The following SHTN1 variants were observed in gnomAD, a reference collection of about 807,000 sequenced individuals.
SHTN1 encodes the protein shootin-1.
A neutral mutation model predicts 83.1 loss-of-function variants in SHTN1; 42 were observed. That is an observed-to-expected ratio of 0.51 (90% CI 0.39 to 0.65). The LOEUF is 0.65. SHTN1 is among the 30% of genes least tolerant of loss of function. The pLI, the probability that SHTN1 is intolerant of heterozygous loss-of-function variation, is 0.00. For missense variants in SHTN1, 622 were observed against 737.8 expected (o/e 0.84, Z 1.82); for synonymous variants, 224 against 247.7 (o/e 0.90, Z 0.90).
At chr10:116,936,655 G>T (rs1377275141) in intron 9 of SHTN1, among the ~76,000 whole-genome samples, 1 of 152,166 alleles carries the variant, frequency 6.6e-6, no homozygotes, top group Admixed American at 6.5e-5. Context: ...GATTTGGGAT[G>T]GAGAGGTCTG....
chr10:117,123,461 TAGTG>T (rs765035528), intron 1 of SHTN1, among the ~76,000 whole-genome samples: 1 of 152,116 alleles, frequency 6.6e-6, no homozygotes, highest in African/African-American at 2.4e-5. Flanking sequence ...AAAGAAAAGG[TAGTG>T]AGTAATTAAC....
In SHTN1 at chr10:116,901,903, G is replaced by A. The variant is rs1276054964; in HGVS notation, c.1535C>T (p.Ser512Phe). ...SESKSMPVLGSVSSVTKTALN... is the reference protein window; with the variant it reads ...SESKSMPVLGFVSSVTKTALN... ...GGCTGTTTTTGTTACACTGGATACA[G>A]AACCCAACACTGGCATGGATTTGGA... Residue 512 changes from serine to phenylalanine, a missense_variant, in exon 16 of 17, where the codon TCT (serine) becomes TTT (phenylalanine). This residue lies in a region of SHTN1 where 231 missense variants were observed against 251.6 expected (regional missense o/e 0.92). Coordinates refer to ENST00000355371, the MANE Select transcript of SHTN1 (RefSeq NM_001127211.3). The A allele has an allele frequency of 1.9e-6, 3 of 1,607,458 alleles. No individual in the cohort carries two copies. Among genetic ancestry groups the A allele is most frequent in the Non-Finnish European group, 8.5e-7 (1 of 1,177,808 alleles).
chr10:117,091,625 A>T (rs1456979847), intron 1 of SHTN1, among the ~76,000 whole-genome samples: 1 of 152,214 alleles, frequency 6.6e-6, no homozygotes, highest in Non-Finnish European at 1.5e-5. Context: ...AGGTAAGCAC[A>T]ATCCAAAGGC....
At chr10:116,921,216 C>A (rs973099881) in intron 12 of SHTN1, among the ~76,000 whole-genome samples, 1 of 152,072 alleles carries the variant, frequency 6.6e-6, no homozygotes, top group Non-Finnish European at 1.5e-5. Context: ...AATATATTTG[C>A]CAGTATGTCT....
intron 11 of SHTN1, among the ~76,000 whole-genome samples, chr10:116,924,373 G>T (rs1848663227): frequency 6.7e-6 from 1 of 149,658 alleles, no homozygotes; most frequent in African/African-American, 2.4e-5. Flanking sequence ...AGACGATGAA[G>T]CAGGAATTTA....
intron 2 of SHTN1, among the ~76,000 whole-genome samples, chr10:117,039,388 G>A (rs1193764088): frequency 6.6e-6 from 1 of 152,156 alleles, no homozygotes; most frequent in East Asian, 1.9e-4. Flanking sequence ...TACTCTGTAT[G>A]ATACTGTATT....
chr10:116,944,735 A>G (rs557085686), intron 8 of SHTN1, among the ~76,000 whole-genome samples, 189 bp downstream of exon 8: 19 of 152,102 alleles, frequency 1.2e-4, no homozygotes, highest in African/African-American at 4.3e-4. Context: ...TAATAAAAAT[A>G]CAAAAATTAG....
intron 7 of SHTN1, among the ~76,000 whole-genome samples, chr10:116,947,875 T>C (rs1849646611): frequency 6.6e-6 from 1 of 152,172 alleles, no homozygotes; most frequent in Admixed American, 6.5e-5. Context: ...TATCTTTAAA[T>C]ACAGAAAGAC....
intron 1 of SHTN1, among the ~76,000 whole-genome samples, chr10:117,098,995 A>T (rs80098180): frequency 1.3e-4 from 5 of 38,568 alleles, no homozygotes; most frequent in African/African-American, 2.7e-4. Flanking sequence ...TCCACAAAGA[A>T]AATGTGGTAT....
chr10:117,040,679 G>A (rs1413859679), intron 2 of SHTN1, among the ~76,000 whole-genome samples: 2 of 152,172 alleles, frequency 1.3e-5, no homozygotes, highest in Non-Finnish European at 1.5e-5. Flanking sequence ...TTTAGGGCAA[G>A]GGCTTTATTA....
intron 1 of SHTN1, among the ~76,000 whole-genome samples, chr10:117,125,798 C>T (rs1264034615): frequency 1.3e-5 from 2 of 152,194 alleles, no homozygotes; most frequent in East Asian, 3.8e-4. Flanking sequence ...TGCTTACTTT[C>T]CCTCGCATCA....
intron 9 of SHTN1, among the ~76,000 whole-genome samples, chr10:116,938,078 G>C (rs1473582109): frequency 6.6e-6 from 1 of 151,794 alleles, no homozygotes; most frequent in Non-Finnish European, 1.5e-5. Context: ...CTTTTATCAA[G>C]GTTCTTGGCT....
chr10:116,933,586 G>A (rs1849047995), intron 9 of SHTN1, among the ~76,000 whole-genome samples: 1 of 152,116 alleles, frequency 6.6e-6, no homozygotes, highest in Non-Finnish European at 1.5e-5. Flanking sequence ...ATTTGGGTTG[G>A]TTCCAAGTCT....
chr10:116,928,820 G>T (rs1848844179), intron 10 of SHTN1, among the ~76,000 whole-genome samples: 1 of 152,156 alleles, frequency 6.6e-6, no homozygotes, highest in South Asian at 2.1e-4. Context: ...AAGACAAAAA[G>T]CATGGTTTCT....
At chr10:116,932,538 G>C (rs1849010452) in intron 9 of SHTN1, among the ~76,000 whole-genome samples, 1 of 152,106 alleles carries the variant, frequency 6.6e-6, no homozygotes, top group Non-Finnish European at 1.5e-5. Flanking sequence ...AAAAGATTGG[G>C]GATTGATGCT....
At chr10:117,024,180 T>A (rs1049271915) in intron 2 of SHTN1, among the ~76,000 whole-genome samples, 4 of 152,028 alleles carry the variant, frequency 2.6e-5, no homozygotes, top group Admixed American at 2.0e-4. Flanking sequence ...AATTCTAGAA[T>A]AGACAAAACT....
intron 1 of SHTN1, among the ~76,000 whole-genome samples, chr10:117,116,942 C>A (rs1470801307): frequency 1.3e-5 from 2 of 152,088 alleles, no homozygotes; most frequent in Non-Finnish European, 2.9e-5. Flanking sequence ...GACAAACCCA[C>A]AACTAACATA....
chr10:117,071,679 A>G (rs1293066548), intron 1 of SHTN1, among the ~76,000 whole-genome samples: 2 of 152,088 alleles, frequency 1.3e-5, no homozygotes, highest in Non-Finnish European at 2.9e-5. Context: ...TAATTTAGTC[A>G]GCCACTTGCT....
chr10:116,972,149 A>G (rs551030661), intron 2 of SHTN1, among the ~76,000 whole-genome samples: 1 of 152,176 alleles, frequency 6.6e-6, no homozygotes, highest in Non-Finnish European at 1.5e-5. Context: ...TTATTCCAAC[A>G]TGCAGGTAGC....
Sources: gnomAD v4.1 joint callset for allele counts (sites outside exome capture counted in the v4.1 genomes callset) on GRCh38, gnomAD v4.1.1 for gene constraint, gnomAD v4.1.1 regional missense constraint, MANE v1.5 for transcripts, NCBI Gene and HGNC (gene_info 2026-07-23, HGNC 2026-07-21) for gene names.